ARHGEF7: variants seen among roughly 807,000 people sequenced by gnomAD.
ARHGEF7 encodes Rho guanine nucleotide exchange factor 7.
A neutral mutation model predicts 109.8 loss-of-function variants in ARHGEF7; 33 were observed. The ratio of observed to expected loss-of-function variants is 0.30; its 90% confidence interval spans 0.23 to 0.40. ARHGEF7 has a LOEUF of 0.40. ARHGEF7 is among the 10% of genes least tolerant of loss of function. The pLI, the probability that ARHGEF7 is intolerant of heterozygous loss-of-function variation, is 1.00. For missense variants in ARHGEF7, 938 were observed against 1,098.5 expected (o/e 0.85, Z 2.07); for synonymous variants, 458 against 424.6 (o/e 1.08, Z -0.97).
chr13:111,283,477 G>C, intron 16 of ARHGEF7, 114 bp downstream of exon 16: 26 of 1,431,742 alleles, frequency 1.8e-5, no homozygotes, highest in Non-Finnish European at 2.4e-5. Context: ...AACTCCTAGA[G>C]AACTGAGAAG....
intron 5 of ARHGEF7, among the ~76,000 whole-genome samples, chr13:111,221,876 A>G (rs1230241243): frequency 6.6e-6 from 1 of 152,022 alleles, no homozygotes; most frequent in African/African-American, 2.4e-5. Context: ...TAGGCCATCT[A>G]CAGGCTGAGG....
chr13:111,193,435 A>C (rs1277376991), intron 2 of ARHGEF7, among the ~76,000 whole-genome samples: 1 of 152,192 alleles, frequency 6.6e-6, no homozygotes, highest in Non-Finnish European at 1.5e-5. Context: ...TTGGCAGTGT[A>C]AGACTGCCAC....
At chr13:111,221,151 A>G (rs1367331072) in intron 5 of ARHGEF7, among the ~76,000 whole-genome samples, 2 of 95,162 alleles carry the variant, frequency 2.1e-5, no homozygotes, top group East Asian at 6.3e-4. Flanking sequence ...ATATATATAG[A>G]TATATATGTC....
At chr13:111,227,938 C>T (rs2085439067) in intron 5 of ARHGEF7, among the ~76,000 whole-genome samples, 1 of 152,218 alleles carries the variant, frequency 6.6e-6, no homozygotes, top group South Asian at 2.1e-4. Flanking sequence ...TTCACAGTTA[C>T]ACCAGTTACA....
intron 5 of ARHGEF7, among the ~76,000 whole-genome samples, chr13:111,224,850 T>A (rs2153513255): frequency 6.6e-6 from 1 of 152,286 alleles, no homozygotes; most frequent in Admixed American, 6.5e-5. Flanking sequence ...TAGTCCTTCC[T>A]CCTCTCCGGT....
chr13:111,241,117 C>T, intron 6 of ARHGEF7: 1 of 1,511,146 alleles, frequency 6.6e-7, no homozygotes, highest in South Asian at 1.3e-5. Context: ...CTTGCCTCTC[C>T]ATGCCTCGTG....
intron 2 of ARHGEF7, among the ~76,000 whole-genome samples, chr13:111,181,840 C>T (rs73633287): frequency 0.02 from 3,050 of 152,238 alleles, 93 homozygotes; most frequent in African/African-American, 0.07. Flanking sequence ...AGGTAGGAAG[C>T]GACCTTTGAA....
At chr13:111,129,466 T>C (rs1485030418) in intron 1 of ARHGEF7, among the ~76,000 whole-genome samples, 1 of 152,192 alleles carries the variant, frequency 6.6e-6, no homozygotes, top group Non-Finnish European at 1.5e-5. Flanking sequence ...AAGAAAATAT[T>C]TGCAAATCAC....
chr13:111,133,806 TA>T lies in ARHGEF7; in HGVS notation c.165+18116del, dbSNP rs1307688690. Among the ~76,000 whole-genome samples the T allele has an allele frequency of 8.2e-4, 20 of 24,506 alleles. 1 individual carries two copies. The highest frequency in any genetic ancestry group is 2.9e-3 in the African/African-American group (19 of 6,498). 16.1% of individuals were successfully genotyped at this position (24,506 alleles called of 152,430 possible). ...ATATATATATATATATATATATATATATATATATTTATTATACTTTAAGTTC... is the reference window on the plus strand; with the variant it reads ...ATATATATATATATATATATATATATTATATATTTATTATACTTTAAGTTC... On this transcript the variant is annotated intron_variant, in intron 1 of 21. Transcript: ENST00000646102.
At chr13:111,154,235 T>C (rs934256268) in intron 2 of ARHGEF7, among the ~76,000 whole-genome samples, 1 of 152,178 alleles carries the variant, frequency 6.6e-6, no homozygotes, top group African/African-American at 2.4e-5. Context: ...CAGACATTGC[T>C]CTCGTTCCAG....
chr13:111,212,300 C>G (rs912592313), intron 4 of ARHGEF7, among the ~76,000 whole-genome samples: 6 of 152,098 alleles, frequency 3.9e-5, no homozygotes, highest in African/African-American at 1.4e-4. Flanking sequence ...CTTCCAGAGG[C>G]TGAACTAAAT....
At chr13:111,173,746 G>A (rs1347766964) in intron 2 of ARHGEF7, among the ~76,000 whole-genome samples, 2 of 151,888 alleles carry the variant, frequency 1.3e-5, no homozygotes, top group African/African-American at 4.8e-5. Context: ...GAGATGTCTC[G>A]TGTTTGAGGA....
At chr13:111,197,418 C>T (rs2080660480) in intron 2 of ARHGEF7, among the ~76,000 whole-genome samples, 1 of 152,138 alleles carries the variant, frequency 6.6e-6, no homozygotes. Context: ...CCTCCTAGAC[C>T]ACAAAGAGGA....
At chr13:111,240,315 A>T (rs1466224226) in intron 6 of ARHGEF7, among the ~76,000 whole-genome samples, 2 of 152,258 alleles carry the variant, frequency 1.3e-5, no homozygotes, top group Non-Finnish European at 2.9e-5. Flanking sequence ...AAAGTAATAG[A>T]ATAACATTTA....
At position 111,280,600 on chromosome 13, in the gene ARHGEF7, G is replaced by A. The variant is rs548029773; in HGVS notation, c.1648G>A (p.Glu550Lys). ...CCAGCAGGATCTGCAGGAATGGGTG[G>A]AGCACCTACAGAAGCAAACGAAGGT... ...NNQQDLQEWV[E>K]HLQKQTKVTS... is the part of the protein sequence containing the mutation. The change falls in exon 15 of 22, where the codon GAG becomes AAG. Residue 550 changes from glutamate to lysine, a missense_variant. This residue lies in a region of ARHGEF7 where 585 missense variants were observed against 723.6 expected (regional missense o/e 0.81). Coordinates refer to ENST00000646102, the MANE Select transcript of ARHGEF7 (RefSeq NM_001354046.2). 2.2e-5 allele frequency: 36 copies of A among 1,612,978 alleles called. 1 individual carries two copies. The South Asian group carries it at 3.1e-4, about 14-fold the overall frequency.
intron 1 of ARHGEF7, among the ~76,000 whole-genome samples, chr13:111,144,951 C>T (rs926002972): frequency 3.3e-5 from 5 of 152,132 alleles, no homozygotes; most frequent in Non-Finnish European, 5.9e-5. Flanking sequence ...TCTCTTTCCC[C>T]GTAGGGAACT....
At chr13:111,139,054 G>A (rs1032397561) in intron 1 of ARHGEF7, among the ~76,000 whole-genome samples, 1 of 152,090 alleles carries the variant, frequency 6.6e-6, no homozygotes, top group Admixed American at 6.6e-5. Context: ...GGAACATCTC[G>A]GCAAAGAAAT....
rs778044719 is a variant in ARHGEF7, at chr13:111,280,690, T to A, written c.1725+13T>A. On this transcript the variant is annotated intron_variant, in intron 15 of 21. Transcript: ENST00000646102. ...GCCATCTCATACCGTAAGGACTTGGTGCTTCTCCTCCTTCCAGACTCCAGG... is the reference window on the plus strand; with the variant it reads ...GCCATCTCATACCGTAAGGACTTGGAGCTTCTCCTCCTTCCAGACTCCAGG... 26 of 1,523,974 alleles carry A rather than the reference T, an allele frequency of 1.7e-5. No homozygotes were observed. Among genetic ancestry groups the A allele is most frequent in the Non-Finnish European group, 2.3e-5 (26 of 1,135,694 alleles). 94.4% of individuals were successfully genotyped at this position (1,523,974 alleles called of 1,614,324 possible).
chr13:111,301,076 G>GT (rs2093555693), intron 20 of ARHGEF7, among the ~76,000 whole-genome samples: 1 of 152,110 alleles, frequency 6.6e-6, no homozygotes. Flanking sequence ...AGCCTCCCGA[G>GT]TAGCTGGGAT....
Sources: gnomAD v4.1 joint callset for allele counts (sites outside exome capture counted in the v4.1 genomes callset) on GRCh38, gnomAD v4.1.1 for gene constraint, gnomAD v4.1.1 regional missense constraint, MANE v1.5 for transcripts, NCBI Gene and HGNC (gene_info 2026-07-23, HGNC 2026-07-21) for gene names.